FGF14: variants seen among roughly 807,000 people sequenced by gnomAD.
FGF14 encodes the protein fibroblast growth factor 14.
In FGF14, 5 loss-of-function variants were observed where a neutral mutation model predicts 25.5. The ratio of observed to expected loss-of-function variants is 0.20; its 90% CI spans 0.10 to 0.41. The LOEUF is 0.41. Among genes scored for constraint, FGF14 ranks in the 10% least tolerant of loss-of-function variants. The pLI, the probability that FGF14 is intolerant of heterozygous loss-of-function variation, is 1.00. For missense variants in FGF14, 222 were observed against 320.1 expected (o/e 0.69, Z 2.34); for synonymous variants, 138 against 118.3 (o/e 1.17, Z -1.08).
intron 1 of FGF14, among the ~76,000 whole-genome samples, chr13:102,119,820 G>A (rs961758265): frequency 3.3e-5 from 5 of 152,114 alleles, no homozygotes; most frequent in East Asian, 1.9e-4. Flanking sequence ...AAATGTTTCC[G>A]TATGTTTGAA....
chr13:101,818,009 C>G (rs577565594), intron 3 of FGF14, among the ~76,000 whole-genome samples: 1 of 152,164 alleles, frequency 6.6e-6, no homozygotes, highest in Non-Finnish European at 1.5e-5. Flanking sequence ...TTCAGTCAGT[C>G]AAGATGCATC....
At chr13:101,815,090 C>A (rs936289883) in intron 3 of FGF14, among the ~76,000 whole-genome samples, 18 of 152,152 alleles carry the variant, frequency 1.2e-4, no homozygotes, top group African/African-American at 4.3e-4. Flanking sequence ...TGTTGTTCTG[C>A]AATTCCACAA....
chr13:102,102,002 C>G (rs2044686296), intron 1 of FGF14, among the ~76,000 whole-genome samples: 1 of 152,140 alleles, frequency 6.6e-6, no homozygotes, highest in Admixed American at 6.6e-5. Context: ...CACACCCAGC[C>G]TAGTTTTCCT....
intron 1 of FGF14, among the ~76,000 whole-genome samples, chr13:101,928,650 C>T (rs1594753944): frequency 6.6e-6 from 1 of 152,214 alleles, no homozygotes; most frequent in East Asian, 1.9e-4. Context: ...TACTGATCAA[C>T]ACACTGAGGC....
chr13:102,011,580 G>C (rs190647713), intron 1 of FGF14, among the ~76,000 whole-genome samples: 1 of 151,640 alleles, frequency 6.6e-6, no homozygotes, highest in African/African-American at 2.4e-5. Context: ...TTTGCCATAC[G>C]CAGGAGTATG....
intron 1 of FGF14, among the ~76,000 whole-genome samples, chr13:101,945,673 C>T (rs1210541487): frequency 2.6e-5 from 4 of 152,208 alleles, no homozygotes; most frequent in African/African-American, 9.6e-5. Flanking sequence ...CTTCTGTCTG[C>T]ACTCCCACAA....
intron 1 of FGF14, among the ~76,000 whole-genome samples, chr13:102,197,990 CTT>C (rs943176606): frequency 2.6e-5 from 4 of 152,216 alleles, no homozygotes; most frequent in Admixed American, 2.0e-4. Flanking sequence ...CGAAGCAACA[CTT>C]TTCTTTTTTC....
chr13:101,952,949 G>A (rs2493594), intron 1 of FGF14, among the ~76,000 whole-genome samples: 61,234 of 151,772 alleles, frequency 0.4, 14,862 homozygotes, highest in East Asian at 0.71. Flanking sequence ...CTGGAGAATT[G>A]CTCGAACCCG....
At chr13:102,165,810 T>C (rs758705366) in intron 1 of FGF14, among the ~76,000 whole-genome samples, 186 of 149,618 alleles carry the variant, frequency 1.2e-3, no homozygotes, top group Non-Finnish European at 2.4e-3. Context: ...TAAAGTATAA[T>C]AATAATAATA....
chr13:102,066,000 A>G (rs1461364042), intron 1 of FGF14, among the ~76,000 whole-genome samples: 1 of 152,074 alleles, frequency 6.6e-6, no homozygotes, highest in African/African-American at 2.4e-5. Flanking sequence ...TTTGTGATGT[A>G]GATTTTGAAT....
At chr13:101,964,614 G>C (rs1044664067) in intron 1 of FGF14, among the ~76,000 whole-genome samples, 10 of 152,124 alleles carry the variant, frequency 6.6e-5, no homozygotes, top group African/African-American at 2.2e-4. Context: ...AGAAAGACTT[G>C]AGACTCTTCC....
intron 1 of FGF14, among the ~76,000 whole-genome samples, chr13:102,000,048 GC>G (rs1330317113): frequency 1.3e-5 from 2 of 152,168 alleles, no homozygotes; most frequent in Non-Finnish European, 2.9e-5. Flanking sequence ...GGGCGCGGTG[GC>G]TCACGCCTGT....
chr13:101,813,040 A>C (rs2041658494), intron 3 of FGF14, among the ~76,000 whole-genome samples: 2 of 152,106 alleles, frequency 1.3e-5, no homozygotes, highest in African/African-American at 4.8e-5. Context: ...CTTTCTTTAA[A>C]TGTTGAAGTC....
At chr13:102,117,758 G>A (rs1455751574) in intron 1 of FGF14, among the ~76,000 whole-genome samples, 1 of 152,046 alleles carries the variant, frequency 6.6e-6, no homozygotes, top group African/African-American at 2.4e-5. Flanking sequence ...TGATATATAT[G>A]GTGTGCAACA....
At chr13:102,012,889 T>G (rs757370207) in intron 1 of FGF14, among the ~76,000 whole-genome samples, 3 of 152,148 alleles carry the variant, frequency 2.0e-5, no homozygotes, top group Non-Finnish European at 4.4e-5. Context: ...CTCTGTTTAT[T>G]CTCATAAAGT....
intron 3 of FGF14, among the ~76,000 whole-genome samples, chr13:101,850,980 A>G (rs1181902210): frequency 1.3e-5 from 2 of 152,040 alleles, no homozygotes; most frequent in African/African-American, 4.8e-5. Context: ...TATGGATTGA[A>G]CTGTGTTTCC....
At chr13:102,041,610 A>T (rs77961101) in intron 1 of FGF14, among the ~76,000 whole-genome samples, 3,599 of 151,268 alleles carry the variant, frequency 0.024, 265 homozygotes, top group East Asian at 0.19. Flanking sequence ...AGATTTTATT[A>T]AAAAATGTTT....
rs554723016 is a variant in FGF14 at position 101,927,526 on chromosome 13, G to A, written c.209-52230C>T. 1.1e-4 allele frequency among the ~76,000 whole-genome samples: 16 copies of A among 152,316 alleles called. No homozygotes were observed. In the South Asian group the frequency reaches 3.3e-3, roughly 32 times the overall value. On this transcript the variant is annotated intron_variant, in intron 1 of 4. Coordinates refer to the FGF14 transcript ENST00000376131. ...CATGGGTATTTGAGTACAGATAGGAGACAGCAGTTTTACATATTTGTACTG... is the reference window on the plus strand; with the variant it reads ...CATGGGTATTTGAGTACAGATAGGAAACAGCAGTTTTACATATTTGTACTG...
At chr13:101,996,383 C>T (rs1361592018) in intron 1 of FGF14, among the ~76,000 whole-genome samples, 2 of 152,018 alleles carry the variant, frequency 1.3e-5, no homozygotes, top group East Asian at 3.9e-4. Context: ...GAATCAGACT[C>T]CAGTGGCAAA....
Sources: gnomAD v4.1 joint callset for allele counts (sites outside exome capture counted in the v4.1 genomes callset) on GRCh38, gnomAD v4.1.1 for gene constraint, MANE v1.5 for transcripts, NCBI Gene and HGNC (gene_info 2026-07-23, HGNC 2026-07-21) for gene names.